NAALADL2: variants seen among roughly 807,000 people sequenced by gnomAD.
NAALADL2 encodes inactive N-acetylated-alpha-linked acidic dipeptidase-like protein 2.
In NAALADL2, 76 loss-of-function variants were observed where a neutral mutation model predicts 87.2. The ratio of observed to expected loss-of-function variants is 0.87; its 90% CI spans 0.72 to 1.05. The LOEUF is 1.05. Among genes scored for constraint, NAALADL2 ranks in the 50% least tolerant of loss-of-function variants. The pLI is 0.00. For synonymous variants in NAALADL2, 354 were observed against 331.0 expected (o/e 1.07, Z -0.75); for missense variants, 1,089 against 945.8 (o/e 1.15, Z -1.99).
intron 2 of NAALADL2, among the ~76,000 whole-genome samples, chr3:175,206,270 T>A (rs1362775340): frequency 0.063 from 6,294 of 99,632 alleles, 605 homozygotes; most frequent in African/African-American, 0.17. Flanking sequence ...ATATTTTTTT[T>A]TTTCACTGTG....
chr3:174,828,008 T>C (rs78989134), intron 3 of NAALADL2, among the ~76,000 whole-genome samples: 4,671 of 152,118 alleles, frequency 0.031, 231 homozygotes, highest in African/African-American at 0.11. Context: ...CATAGCGAGA[T>C]CCTGTCTCTA....
chr3:175,670,214 G>T (rs115454398), intron 11 of NAALADL2, among the ~76,000 whole-genome samples: 120 of 151,826 alleles, frequency 7.9e-4, no homozygotes, highest in Non-Finnish European at 1.5e-3. Context: ...AGGCAATCTG[G>T]CTCCAGTGTC....
chr3:174,604,856 T>A (rs1431358622), intron 2 of NAALADL2, among the ~76,000 whole-genome samples: 1 of 151,498 alleles, frequency 6.6e-6, no homozygotes, highest in Non-Finnish European at 1.5e-5. Flanking sequence ...ACAACCTCCA[T>A]CTCCCAGGTT....
chr3:174,780,693 C>T (rs569362246), intron 3 of NAALADL2, among the ~76,000 whole-genome samples: 133 of 152,014 alleles, frequency 8.7e-4, no homozygotes, highest in African/African-American at 2.9e-3. Context: ...CAGCATGAAG[C>T]GCTGTGGAAT....
intron 10 of NAALADL2, among the ~76,000 whole-genome samples, chr3:175,588,666 G>A (rs1720928510): frequency 6.6e-6 from 1 of 150,750 alleles, no homozygotes; most frequent in Non-Finnish European, 1.5e-5. Context: ...AGCCTCCTGA[G>A]TAGCTGGGAC....
chr3:174,973,048 T>G (rs1359422554), intron 1 of NAALADL2, among the ~76,000 whole-genome samples: 1 of 151,974 alleles, frequency 6.6e-6, no homozygotes, highest in African/African-American at 2.4e-5. Flanking sequence ...TGACTGCTCC[T>G]TTGCTAGAAG....
chr3:175,199,865 T>TATATATA (rs1491567315), intron 2 of NAALADL2, among the ~76,000 whole-genome samples: 1 of 8,620 alleles, frequency 1.2e-4, no homozygotes, highest in Non-Finnish European at 2.1e-4. Context: ...TATATATATA[T>TATATATA]TTTTTTTTTT....
intron 2 of NAALADL2, among the ~76,000 whole-genome samples, chr3:175,125,020 G>A (rs78997113): frequency 0.016 from 2,435 of 151,934 alleles, 80 homozygotes; most frequent in African/African-American, 0.056. Flanking sequence ...GAAGTAGATC[G>A]TATAGAGTAA....
intron 2 of NAALADL2, among the ~76,000 whole-genome samples, chr3:174,617,101 A>G (rs1440138032): frequency 6.6e-6 from 1 of 151,784 alleles, no homozygotes; most frequent in African/African-American, 2.4e-5. Context: ...GACTACAAAG[A>G]TCAATGAAAC....
chr3:175,128,080 T>A (rs1727242216), intron 2 of NAALADL2, among the ~76,000 whole-genome samples: 1 of 152,186 alleles, frequency 6.6e-6, no homozygotes, highest in Non-Finnish European at 1.5e-5. Flanking sequence ...CATCTATGAA[T>A]GTTATCATCT....
intron 1 of NAALADL2, among the ~76,000 whole-genome samples, chr3:175,019,814 C>G (rs9863089): frequency 1.3e-5 from 2 of 151,882 alleles, no homozygotes; most frequent in South Asian, 4.1e-4. Flanking sequence ...AAATGTCATT[C>G]TCTTATGCAA....
intron 1 of NAALADL2, among the ~76,000 whole-genome samples, chr3:175,085,651 G>A (rs569168968): frequency 2.0e-5 from 3 of 152,206 alleles, no homozygotes; most frequent in South Asian, 2.1e-4. Flanking sequence ...TTTGCCAGTC[G>A]CGGTGGCTCA....
At chr3:174,886,886 G>A (rs1318344210) in intron 1 of NAALADL2, among the ~76,000 whole-genome samples, 3 of 152,014 alleles carry the variant, frequency 2.0e-5, no homozygotes, top group East Asian at 3.9e-4. Context: ...GGGTCCTTTG[G>A]CCATGTCTTT....
chr3:175,335,641 T>A (rs1761896145), intron 5 of NAALADL2, among the ~76,000 whole-genome samples: 1 of 152,214 alleles, frequency 6.6e-6, no homozygotes, highest in Non-Finnish European at 1.5e-5. Context: ...TAATGCCACT[T>A]TAAAGTGTTA....
chr3:174,588,371 T>C (rs1386795183), intron 2 of NAALADL2, among the ~76,000 whole-genome samples: 11 of 152,348 alleles, frequency 7.2e-5, no homozygotes, highest in Non-Finnish European at 1.5e-4. Flanking sequence ...CCTTTTTCTC[T>C]CAACTCATCA....
At chr3:175,379,516 A>G (rs1186164707) in intron 5 of NAALADL2, among the ~76,000 whole-genome samples, 1 of 149,218 alleles carries the variant, frequency 6.7e-6, no homozygotes, top group Non-Finnish European at 1.5e-5. Context: ...GTTGTCCACA[A>G]TCCACATCTT....
chr3:175,538,618 T>C (rs928210830), intron 9 of NAALADL2, among the ~76,000 whole-genome samples: 1 of 152,194 alleles, frequency 6.6e-6, no homozygotes, highest in Admixed American at 6.5e-5. Flanking sequence ...TGACTTTTTC[T>C]TTCCCTTTTT....
chr3:175,514,873 AT>A (rs2149402831), intron 9 of NAALADL2, among the ~76,000 whole-genome samples: 1 of 152,288 alleles, frequency 6.6e-6, no homozygotes, highest in East Asian at 1.9e-4. Flanking sequence ...GGATTTTGAT[AT>A]TTTCTAAGCA....
intron 3 of NAALADL2, among the ~76,000 whole-genome samples, chr3:174,821,887 G>A (rs1177913162): frequency 6.6e-6 from 1 of 152,168 alleles, no homozygotes; most frequent in Non-Finnish European, 1.5e-5. Context: ...ACATTAAACA[G>A]AAGAAGGACA....
Sources: gnomAD v4.1 joint callset for allele counts (sites outside exome capture counted in the v4.1 genomes callset) on GRCh38, gnomAD v4.1.1 for gene constraint, MANE v1.5 for transcripts, NCBI Gene and HGNC (gene_info 2026-07-23, HGNC 2026-07-21) for gene names.